The following MGAT4C variants were observed in gnomAD, a reference collection of about 807,000 sequenced individuals.
MGAT4C encodes the protein MGAT4 family member C.
A neutral mutation model predicts 40.1 loss-of-function variants in MGAT4C; 19 were observed. The ratio of observed to expected loss-of-function variants is 0.47; its 90% CI spans 0.33 to 0.70. The LOEUF (loss-of-function observed/expected upper bound fraction) is 0.70, where lower values mean the gene tolerates loss of function less well. Among genes scored for constraint, MGAT4C ranks in the 30% least tolerant of loss-of-function variants. The pLI is 0.02. For synonymous variants in MGAT4C, 181 were observed against 187.1 expected (o/e 0.97, Z 0.27); for missense variants, 491 against 563.2 (o/e 0.87, Z 1.30).
At chr12:86,546,251 G>C (rs1959192398) in intron 2 of MGAT4C, among the ~76,000 whole-genome samples, 1 of 151,734 alleles carries the variant, frequency 6.6e-6, no homozygotes, top group Non-Finnish European at 1.5e-5. Flanking sequence ...TTGACCTTCA[G>C]AAACTCTTTA....
intron 2 of MGAT4C, among the ~76,000 whole-genome samples, chr12:86,513,955 C>A (rs748030460): frequency 2.0e-5 from 3 of 151,692 alleles, no homozygotes; most frequent in East Asian, 3.9e-4. Flanking sequence ...GGATTTGAAG[C>A]CCTCAAAAGC....
intron 3 of MGAT4C, among the ~76,000 whole-genome samples, chr12:86,351,588 T>C (rs572638795): frequency 6.6e-5 from 10 of 152,156 alleles, no homozygotes; most frequent in African/African-American, 1.9e-4. Flanking sequence ...AAACTATAAA[T>C]ATTTTTTCTT....
In MGAT4C at chr12:86,096,329, T is replaced by G. The variant is rs112759789; in HGVS notation, c.-56-46606A>C. Among the ~76,000 whole-genome samples, 741 of 151,694 alleles carry G rather than the reference T, an allele frequency of 4.9e-3. 8 individuals are homozygous for G. Among genetic ancestry groups the G allele is most frequent in the African/African-American group, 0.017 (709 of 41,510 alleles). On this transcript the variant is annotated intron_variant, in intron 1 of 4. Transcript: ENST00000611864. ...TTTTTAAACATTTATTTATATTTGTTTTGCTCCTTTACTTTGGTATTCTTC... is the reference window on the plus strand; with the variant it reads ...TTTTTAAACATTTATTTATATTTGTGTTGCTCCTTTACTTTGGTATTCTTC...
At chr12:86,565,340 T>A (rs538945677) in intron 2 of MGAT4C, among the ~76,000 whole-genome samples, 4 of 152,280 alleles carry the variant, frequency 2.6e-5, no homozygotes, top group Non-Finnish European at 1.5e-5. Flanking sequence ...ACTGATGGCC[T>A]CATGGGAAGT....
intron 3 of MGAT4C, among the ~76,000 whole-genome samples, chr12:86,434,406 A>G (rs1166275506): frequency 1.3e-5 from 2 of 152,024 alleles, no homozygotes; most frequent in Admixed American, 6.6e-5. Context: ...AAATATTTAT[A>G]TATACTTACA....
intron 1 of MGAT4C, among the ~76,000 whole-genome samples, chr12:86,240,203 CAT>C (rs113114301): frequency 1.1e-4 from 17 of 150,064 alleles, no homozygotes; most frequent in African/African-American, 2.0e-4. Flanking sequence ...TGATATATAT[CAT>C]ATATATATAT....
intron 4 of MGAT4C, among the ~76,000 whole-genome samples, chr12:86,331,029 AG>A (rs990914736): frequency 6.6e-6 from 1 of 152,204 alleles, no homozygotes; most frequent in Non-Finnish European, 1.5e-5. Flanking sequence ...CTTAGAAGAA[AG>A]AATTCGACCT....
At chr12:86,536,014 T>C (rs920611918) in intron 2 of MGAT4C, among the ~76,000 whole-genome samples, 1 of 152,122 alleles carries the variant, frequency 6.6e-6, no homozygotes, top group Non-Finnish European at 1.5e-5. Flanking sequence ...TGTATACAAC[T>C]ATAATGAAAC....
intron 1 of MGAT4C, among the ~76,000 whole-genome samples, chr12:86,205,056 C>G: frequency 6.6e-6 from 1 of 151,796 alleles, no homozygotes; most frequent in East Asian, 1.9e-4. Context: ...TACAGTAACT[C>G]TATTCTACAT....
At chr12:86,409,727 G>A (rs1274678162) in intron 3 of MGAT4C, among the ~76,000 whole-genome samples, 1 of 152,108 alleles carries the variant, frequency 6.6e-6, no homozygotes, top group African/African-American at 2.4e-5. Context: ...GGAGGGGCCT[G>A]GTGACAGGTG....
At chr12:86,836,182 C>T (rs951851938) in intron 1 of MGAT4C, among the ~76,000 whole-genome samples, 3 of 151,954 alleles carry the variant, frequency 2.0e-5, no homozygotes, top group African/African-American at 7.2e-5. Context: ...AACACTTTGA[C>T]ATGTGAAATA....
chr12:86,232,141 G>GA (rs1202436233), intron 1 of MGAT4C, among the ~76,000 whole-genome samples: 39 of 79,876 alleles, frequency 4.9e-4, no homozygotes, highest in Admixed American at 6.8e-4. Context: ...TTCCAAAAAA[G>GA]AAAAAAAAAA....
At chr12:86,711,715 A>G (rs146419657) in intron 2 of MGAT4C, among the ~76,000 whole-genome samples, 3 of 152,278 alleles carry the variant, frequency 2.0e-5, no homozygotes, top group African/African-American at 7.2e-5. Context: ...TTTTAAATTA[A>G]ATTGCTAATA....
intron 2 of MGAT4C, among the ~76,000 whole-genome samples, chr12:86,576,100 A>G (rs1462465510): frequency 2.0e-5 from 3 of 151,840 alleles, no homozygotes; most frequent in African/African-American, 7.2e-5. Flanking sequence ...GCATCTTTTT[A>G]TATGCCTGTC....
At chr12:86,186,266 A>G (rs1888743982) in intron 1 of MGAT4C, among the ~76,000 whole-genome samples, 1 of 152,148 alleles carries the variant, frequency 6.6e-6, no homozygotes. Context: ...CAGGTATTAT[A>G]AACAATGAAC....
At chr12:86,726,423 A>T (rs1950822550) in intron 2 of MGAT4C, among the ~76,000 whole-genome samples, 1 of 152,318 alleles carries the variant, frequency 6.6e-6, no homozygotes, top group East Asian at 1.9e-4. Context: ...ATACGATATT[A>T]CCTAATATAT....
chr12:86,184,374 T>TAA (rs748584520), intron 1 of MGAT4C, among the ~76,000 whole-genome samples: 2 of 138,342 alleles, frequency 1.4e-5, no homozygotes, highest in East Asian at 2.1e-4. Context: ...AGACTCCGTT[T>TAA]AAAAAAAAAA....
At chr12:86,730,294 G>A (rs938674367) in intron 1 of MGAT4C, among the ~76,000 whole-genome samples, 22 of 151,866 alleles carry the variant, frequency 1.4e-4, no homozygotes, top group Admixed American at 5.9e-4. Flanking sequence ...CCAGAGAAAA[G>A]GGAATTTATT....
intron 2 of MGAT4C, among the ~76,000 whole-genome samples, chr12:86,574,582 G>A (rs1435455482): frequency 2.0e-5 from 3 of 151,574 alleles, no homozygotes; most frequent in African/African-American, 7.3e-5. Flanking sequence ...GTTCATATAT[G>A]GATGCATGAT....
Sources: allele counts gnomAD v4.1 joint callset (sites outside exome capture counted in the v4.1 genomes callset), GRCh38; gene constraint gnomAD v4.1.1; transcripts MANE v1.5; gene names NCBI Gene and HGNC (gene_info 2026-07-23, HGNC 2026-07-21).